ROBO1: variants seen among roughly 807,000 people sequenced by gnomAD.
ROBO1 encodes roundabout guidance receptor 1.
In ROBO1, 149 loss-of-function variants were observed where a neutral mutation model predicts 195.9. The ratio of observed to expected loss-of-function variants is 0.76; its 90% confidence interval spans 0.67 to 0.87. ROBO1 has a LOEUF of 0.87. Ranked by LOEUF, ROBO1 falls within the 40% of genes least tolerant of loss-of-function variation. The pLI, the probability that ROBO1 is intolerant of heterozygous loss-of-function variation, is 0.00. For synonymous variants in ROBO1, 816 were observed against 733.2 expected (o/e 1.11, Z -1.82); for missense variants, 1,933 against 2,068.3 (o/e 0.93, Z 1.27).
chr3:78,678,107 AG>A (rs1708552768), intron 10 of ROBO1, among the ~76,000 whole-genome samples: 1 of 152,184 alleles, frequency 6.6e-6, no homozygotes, highest in Middle Eastern at 3.2e-3. Context: ...GCAGACATAA[AG>A]ATGTTCTTTG....
intron 4 of ROBO1, among the ~76,000 whole-genome samples, chr3:78,920,603 C>A (rs990457474): frequency 3.4e-5 from 5 of 145,314 alleles, no homozygotes; most frequent in Non-Finnish European, 7.5e-5. Context: ...CCGTACCCAG[C>A]CTTTCTTTTT....
intron 3 of ROBO1, among the ~76,000 whole-genome samples, chr3:79,110,618 T>C (rs987630685): frequency 6.8e-6 from 1 of 146,518 alleles, no homozygotes; most frequent in African/African-American, 2.6e-5. Context: ...GTGAGGGAAA[T>C]AACTTTTTTT....
intron 2 of ROBO1, among the ~76,000 whole-genome samples, chr3:79,420,374 C>G (rs978492591): frequency 6.6e-6 from 1 of 152,096 alleles, no homozygotes; most frequent in African/African-American, 2.4e-5. Flanking sequence ...TTCTTACCAA[C>G]GAATACAAAG....
chr3:78,769,778 C>T (rs2083324781), intron 4 of ROBO1, among the ~76,000 whole-genome samples: 1 of 151,978 alleles, frequency 6.6e-6, no homozygotes, highest in East Asian at 1.9e-4. Flanking sequence ...TTGGTAATGG[C>T]GAATTCTCTC....
chr3:79,097,856 T>G (rs6774821), intron 3 of ROBO1, among the ~76,000 whole-genome samples: 1 of 151,436 alleles, frequency 6.6e-6, no homozygotes, highest in Non-Finnish European at 1.5e-5. Flanking sequence ...CTACATGCAG[T>G]TTTTTTTTAA....
chr3:79,312,938 T>G (rs1249569753), intron 2 of ROBO1, among the ~76,000 whole-genome samples: 1 of 152,094 alleles, frequency 6.6e-6, no homozygotes. Context: ...GAAACAAAAG[T>G]CATCATTAGC....
intron 5 of ROBO1, among the ~76,000 whole-genome samples, chr3:78,724,034 G>T (rs985159353): frequency 6.6e-6 from 1 of 151,936 alleles, no homozygotes; most frequent in Non-Finnish European, 1.5e-5. Flanking sequence ...TACAAAAAAT[G>T]AAAAAATAAA....
chr3:78,916,245 C>CCA (rs371739007), intron 4 of ROBO1, among the ~76,000 whole-genome samples: 1 of 91,952 alleles, frequency 1.1e-5, no homozygotes, highest in African/African-American at 4.2e-5. Flanking sequence ...GAGACTCCGT[C>CCA]AAAAAAAAAA....
At chr3:79,139,426 C>A (rs1191219827) in intron 2 of ROBO1, among the ~76,000 whole-genome samples, 4 of 152,070 alleles carry the variant, frequency 2.6e-5, no homozygotes, top group Non-Finnish European at 5.9e-5. Context: ...CAAAGTAGAT[C>A]TCTTAAAGTA....
At chr3:78,668,437 A>G (rs1707865438) in intron 12 of ROBO1, 47 bp downstream of exon 12, 1 of 1,604,900 alleles carries the variant, frequency 6.2e-7, no homozygotes, top group East Asian at 2.2e-5. Flanking sequence ...TAAGTAAACA[A>G]CTGCATTTTA....
At chr3:79,565,256 C>G (rs1385528018) in intron 2 of ROBO1, among the ~76,000 whole-genome samples, 1 of 151,730 alleles carries the variant, frequency 6.6e-6, no homozygotes, top group African/African-American at 2.4e-5. Flanking sequence ...TCTTAACCAT[C>G]AGACAGAACT....
At chr3:78,639,449 T>A (rs969789087) in intron 22 of ROBO1, among the ~76,000 whole-genome samples, 1 of 152,084 alleles carries the variant, frequency 6.6e-6, no homozygotes. Flanking sequence ...CTCCAATAAA[T>A]AATAAATAAA....
intron 2 of ROBO1, among the ~76,000 whole-genome samples, chr3:79,365,580 T>C (rs1195368494): frequency 6.6e-6 from 1 of 152,140 alleles, no homozygotes; most frequent in African/African-American, 2.4e-5. Flanking sequence ...ACTTCTATTT[T>C]TAACTCTCCG....
chr3:79,522,754 G>A (rs1263345692), intron 2 of ROBO1, among the ~76,000 whole-genome samples: 1 of 152,010 alleles, frequency 6.6e-6, no homozygotes. Context: ...AGATGATCGT[G>A]GTTTTAGAGT....
At chr3:78,869,283 A>C (rs994255815) in intron 4 of ROBO1, among the ~76,000 whole-genome samples, 11 of 152,132 alleles carry the variant, frequency 7.2e-5, no homozygotes, top group African/African-American at 2.7e-4. Flanking sequence ...ATATGGGTTG[A>C]CTCCATTTAA....
chr3:79,566,176 C>A (rs1333531182), intron 2 of ROBO1, among the ~76,000 whole-genome samples: 1 of 152,086 alleles, frequency 6.6e-6, no homozygotes, highest in Non-Finnish European at 1.5e-5. Context: ...AAAGAAAAGT[C>A]TTTTCTCTTT....
intron 2 of ROBO1, among the ~76,000 whole-genome samples, chr3:79,303,001 C>T (rs1043710746): frequency 8.6e-5 from 13 of 151,956 alleles, no homozygotes; most frequent in African/African-American, 2.7e-4. Flanking sequence ...CAAGAAAGTA[C>T]ATAGCTCAAT....
chr3:78,646,462 G>A (rs1000154320), intron 20 of ROBO1, among the ~76,000 whole-genome samples: 13 of 150,670 alleles, frequency 8.6e-5, no homozygotes, highest in Non-Finnish European at 1.3e-4. Flanking sequence ...ATAAGGTGGA[G>A]AATCAAGAAA....
intron 2 of ROBO1, among the ~76,000 whole-genome samples, chr3:79,173,009 C>T (rs912454851): frequency 1.3e-5 from 2 of 152,110 alleles, no homozygotes; most frequent in African/African-American, 4.8e-5. Flanking sequence ...TCATATCTGC[C>T]TCTATAACAC....
Sources: gnomAD v4.1 joint callset for allele counts (sites outside exome capture counted in the v4.1 genomes callset) on GRCh38, gnomAD v4.1.1 for gene constraint, MANE v1.5 for transcripts, NCBI Gene and HGNC (gene_info 2026-07-23, HGNC 2026-07-21) for gene names.